Variants in E2F6 observed in about 807,000 individuals in gnomAD.
E2F6 encodes the protein E2F transcription factor 6.
E2F6 carries 19 observed loss-of-function variants against 31.5 expected under a neutral mutation model. The observed-to-expected ratio is 0.60, with a 90% confidence interval of 0.42 to 0.89. E2F6 has a LOEUF of 0.89. E2F6 is among the 40% of genes least tolerant of loss of function. E2F6 has a pLI of 0.00. For missense variants in E2F6, 269 were observed against 341.6 expected, an observed-to-expected ratio of 0.79 and a Z score of 1.67; for synonymous variants, 121 against 127.7, an observed-to-expected ratio of 0.95 and a Z score of 0.36.
intron 2 of E2F6, 37 bp from the exon 3 acceptor site, chr2:11,453,835 A>G (rs756605735): frequency 3.9e-5 from 60 of 1,546,772 alleles, no homozygotes; most frequent in Admixed American, 1.8e-4. Flanking sequence ...AAAATTTTAA[A>G]TAACATTTCT....
At chr2:11,448,078 C>T (rs1670834931) in intron 5 of E2F6, among the ~76,000 whole-genome samples, 1 of 152,154 alleles carries the variant, frequency 6.6e-6, no homozygotes, top group South Asian at 2.1e-4. Context: ...CCAGAATACC[C>T]TAGAGTCTCA....
chr2:11,454,345 T>TCG (rs1671264458), intron 2 of E2F6, among the ~76,000 whole-genome samples: 1 of 150,306 alleles, frequency 6.7e-6, no homozygotes, highest in Admixed American at 6.6e-5. Context: ...AACAGTGGTA[T>TCG]CTCTCTCTTT....
At chr2:11,465,178 C>CAAAAAAAAAAAAAAAAAAAAGAAAAA (rs59561027) in intron 1 of E2F6, among the ~76,000 whole-genome samples, 1 of 88,606 alleles carries the variant, frequency 1.1e-5, no homozygotes, top group Non-Finnish European at 2.1e-5. Context: ...AACTCAATCT[C>CAAAAAAAAAAAAAAAAAAAAGAAAAA]AAAAAAAAAA....
chr2:11,445,405 T>C lies in E2F6; in HGVS notation c.*1072A>G, dbSNP rs370503599. On this transcript the variant is annotated 3_prime_UTR_variant, in exon 7 of 7. Coordinates refer to ENST00000381525, the MANE Select transcript of E2F6 (RefSeq NM_198256.4). ...CCTCAAGGAGCTCACAGTCTAATGGTAAACTACAGAGTAAACTGAGGCACA... is the reference window on the plus strand; with the variant it reads ...CCTCAAGGAGCTCACAGTCTAATGGCAAACTACAGAGTAAACTGAGGCACA... 2 of 152,600 alleles carry C rather than the reference T, an allele frequency of 1.3e-5. No individual in the cohort carries two copies. The highest frequency in any genetic ancestry group is 4.1e-4 in the South Asian group (2 of 4,836). The allele number at this position is 152,600 out of a possible 1,614,324, so 9.5% of individuals were successfully genotyped here. A position where few individuals can be genotyped will look rare whatever the true frequency, so the allele number is the denominator to read the frequency against.
Position 11,462,324 on chromosome 2 carries a change from C to T in E2F6, c.108+3448G>A, listed in dbSNP as rs934110086. ...CCAATCTCTATATATACTATTTTTT[C>T]GTATACATACATACATGTGATAACA... On this transcript the variant is annotated intron_variant, in intron 1 of 6. Coordinates refer to ENST00000381525, the MANE Select transcript of E2F6 (RefSeq NM_198256.4). Among the ~76,000 whole-genome samples, 9 of 152,206 alleles carry T rather than the reference C, an allele frequency of 5.9e-5. No individual in the cohort carries two copies. In the South Asian group the frequency reaches 8.3e-4, roughly 14 times the overall value.
chr2:11,447,427 A>C (rs137954424), intron 6 of E2F6, among the ~76,000 whole-genome samples, 200 bp downstream of exon 6: 1,552 of 152,304 alleles, frequency 0.01, 4 homozygotes, highest in Middle Eastern at 0.031. Flanking sequence ...CAGAATTCTA[A>C]GTTTTCACTG....
At position 11,465,864 on chromosome 2, in the gene E2F6, G is replaced by T. The variant is rs1465779121; in HGVS notation, c.16C>A (p.Pro6Thr). 6.4e-7 allele frequency: 1 copy of T among 1,564,796 alleles called. No homozygotes were observed. Among genetic ancestry groups the T allele is most frequent in the Admixed American group, 1.9e-5 (1 of 52,672 alleles). MSQQR[P>T]ARKLPSLLLD... is the part of the protein sequence containing the mutation. ...AGGAGACTGGGTAACTTCCTCGCCG[G>T]CCGCTGCTGACTCATGCTGCCCGGC... The change falls in exon 1 of 7, where the codon CCG becomes ACG. Residue 6 changes from proline to threonine, a missense_variant. Coordinates refer to ENST00000381525, the MANE Select transcript of E2F6 (RefSeq NM_198256.4).
chr2:11,455,206 G>C, intron 2 of E2F6: 2 of 679,314 alleles, frequency 2.9e-6, no homozygotes, highest in Non-Finnish European at 3.8e-6. Context: ...CTAAGAAAAA[G>C]TTCTTATGGC....
chr2:11,451,745 A>G lies in E2F6; in HGVS notation c.442T>C (p.Ser148Pro), dbSNP rs1671082185. 3.7e-6 allele frequency: 6 copies of G among 1,609,528 alleles called. No individual in the cohort carries two copies. The highest frequency in any genetic ancestry group is 5.1e-6 in the Non-Finnish European group (6 of 1,177,206). The change falls in exon 4 of 7, where the codon TCT (serine) becomes CCT (proline). Residue 148 changes from serine (S) to proline (P), a missense_variant. Transcript: ENST00000381525. The part of the protein sequence containing the change: ...PQQKKLQEEL[S>P]DLSAMEDALD... ...GCATCTTCCATTGCTGATAAGTCAG[A>G]AAGTTCCTCCTGTAGCTTCTTTTGT... is the stretch of plus-strand genomic sequence containing the variant.
intron 2 of E2F6, among the ~76,000 whole-genome samples, chr2:11,454,692 A>C (rs2148347233): frequency 6.6e-6 from 1 of 151,774 alleles, no homozygotes; most frequent in East Asian, 1.9e-4. Flanking sequence ...CCCTATATTA[A>C]TTTAACAGAT....
At position 11,465,960 on chromosome 2, in the gene E2F6, C is replaced by G; in HGVS notation, c.-81G>C. 1 of 1,310,652 alleles carries G rather than the reference C, an allele frequency of 7.6e-7. No individual in the cohort carries two copies. The highest frequency in any genetic ancestry group is 1.0e-6 in the Non-Finnish European group (1 of 981,856). The allele number at this position is 1,310,652 out of a possible 1,614,324, so 81.2% of individuals were successfully genotyped here. A position where few individuals can be genotyped will look rare whatever the true frequency, so the allele number is the denominator to read the frequency against. Reference sequence around the variant, plus strand: ...CGCGCTCAGCTCGAGCACCGCCCCCCACGCGCCGATTTCCAAGGGCCCAGC... The same window carrying G: ...CGCGCTCAGCTCGAGCACCGCCCCCGACGCGCCGATTTCCAAGGGCCCAGC... On this transcript the variant is annotated 5_prime_UTR_variant, in exon 1 of 7. Transcript: ENST00000381525.
At chr2:11,465,629 A>AGTTC (rs1399710720) in intron 1 of E2F6, 143 bp downstream of exon 1, 1 of 748,742 alleles carries the variant, frequency 1.3e-6, no homozygotes, top group Non-Finnish European at 2.3e-6. Flanking sequence ...GGGAGAGCGC[A>AGTTC]GTTCGCAGCA....
chr2:11,453,062 T>G (rs1671170789), intron 3 of E2F6, among the ~76,000 whole-genome samples: 1 of 152,258 alleles, frequency 6.6e-6, no homozygotes, highest in Non-Finnish European at 1.5e-5. Flanking sequence ...CATTCTCATG[T>G]GTGCACACAC....
In E2F6 at chr2:11,457,239, A is replaced by G; in HGVS notation, c.109-6T>C. Reference sequence around the variant, plus strand: ...TTAATCCTTATTTTTGATGGCTGAAAAAAAAGATAAAAAATTTAACTTAGT... The same window carrying G: ...TTAATCCTTATTTTTGATGGCTGAAGAAAAAGATAAAAAATTTAACTTAGT... On this transcript the variant is annotated splice_region_variant and splice_polypyrimidine_tract_variant and intron_variant, in intron 1 of 6. Transcript: ENST00000381525. 6.6e-7 allele frequency: 1 copy of G among 1,505,130 alleles called. No homozygotes were observed. Among genetic ancestry groups the G allele is most frequent in the Non-Finnish European group, 9.2e-7 (1 of 1,085,684 alleles). The allele number at this position is 1,505,130 out of a possible 1,614,324, so 93.2% of individuals were successfully genotyped here. A position where few individuals can be genotyped will look rare whatever the true frequency, so the allele number is the denominator to read the frequency against.
intron 1 of E2F6, among the ~76,000 whole-genome samples, chr2:11,460,452 T>C (rs1433951905): frequency 6.6e-6 from 1 of 152,200 alleles, no homozygotes; most frequent in Admixed American, 6.6e-5. Flanking sequence ...CTTTGGACTC[T>C]AGGAGTTACA....
intron 3 of E2F6, among the ~76,000 whole-genome samples, chr2:11,452,021 T>C (rs1671102193): frequency 6.6e-6 from 1 of 152,296 alleles, no homozygotes; most frequent in South Asian, 2.1e-4. Context: ...ACAGTCTTTT[T>C]CAAAAAAATA....
chr2:11,446,941 T>G (rs1383945739), intron 6 of E2F6, among the ~76,000 whole-genome samples: 1 of 152,210 alleles, frequency 6.6e-6, no homozygotes, highest in Non-Finnish European at 1.5e-5. Flanking sequence ...AAGGGCCACC[T>G]GAAGACCACC....
intron 2 of E2F6, chr2:11,456,975 T>C (rs1671445977): frequency 1.8e-6 from 1 of 546,862 alleles, no homozygotes; most frequent in East Asian, 3.3e-5. Context: ...TACAGACTGT[T>C]CTATGGAGAA....
At chr2:11,460,515 A>T (rs747383913) in intron 1 of E2F6, among the ~76,000 whole-genome samples, 4 of 152,168 alleles carry the variant, frequency 2.6e-5, no homozygotes, top group African/African-American at 7.2e-5. Flanking sequence ...CCATGCTACC[A>T]GCATCCCAAG....
Sources: allele counts gnomAD v4.1 joint callset (sites outside exome capture counted in the v4.1 genomes callset), GRCh38; gene constraint gnomAD v4.1.1; transcripts MANE v1.5; gene names NCBI Gene and HGNC (gene_info 2026-07-23, HGNC 2026-07-21).